Variants in PTH2R observed in about 807,000 individuals in gnomAD.
PTH2R encodes PTH2 receptor.
PTH2R carries 59 observed loss-of-function variants against 60.3 expected under a neutral mutation model. The ratio of observed to expected loss-of-function variants is 0.98; its 90% CI spans 0.79 to 1.22. The LOEUF (loss-of-function observed/expected upper bound fraction) is 1.22, where lower values mean the gene tolerates loss of function less well. Ranked by LOEUF, PTH2R falls within the 50% of genes most tolerant of loss-of-function variation. The pLI, the probability that PTH2R is intolerant of heterozygous loss-of-function variation, is 0.00. For synonymous variants in PTH2R, 256 were observed against 243.8 expected (o/e 1.05, Z -0.47); for missense variants, 749 against 682.6 (o/e 1.10, Z -1.08).
At chr2:208,368,441 C>T (rs561946704) in intron 1 of PTH2R, among the ~76,000 whole-genome samples, 36 of 152,336 alleles carry the variant, frequency 2.4e-4, no homozygotes, top group South Asian at 1.4e-3. Context: ...ATTCACCTCT[C>T]TGTTCTCCAT....
intron 1 of PTH2R, among the ~76,000 whole-genome samples, chr2:208,377,832 G>A (rs1390019562): frequency 4.6e-5 from 7 of 151,538 alleles, no homozygotes; most frequent in East Asian, 3.9e-4. Context: ...GGGCAGAGAC[G>A]CTCCTCACTT....
intron 9 of PTH2R, among the ~76,000 whole-genome samples, chr2:208,465,587 A>G (rs1702731674): frequency 6.6e-6 from 1 of 151,370 alleles, no homozygotes; most frequent in African/African-American, 2.4e-5. Context: ...TATTTTTAGT[A>G]GAGATGGGAT....
At chr2:208,457,122 A>C (rs991737182) in intron 8 of PTH2R, among the ~76,000 whole-genome samples, 14 of 152,370 alleles carry the variant, frequency 9.2e-5, no homozygotes, top group African/African-American at 2.9e-4. Flanking sequence ...AATTTAGGGA[A>C]TCCGAAAGCC....
intron 7 of PTH2R, among the ~76,000 whole-genome samples, chr2:208,450,255 A>G (rs1188159834): frequency 6.6e-6 from 1 of 152,196 alleles, no homozygotes. Flanking sequence ...AAAAGAAGAG[A>G]CTAAACTGGT....
rs779237506 is a variant in PTH2R at position 208,489,141 on chromosome 2, C to T, written c.1206C>T (p.Asn402=). 10 of 1,613,982 alleles carry T rather than the reference C, an allele frequency of 6.2e-6. No homozygotes were observed. The African/African-American group carries it at 1.2e-4, about 19-fold the overall frequency. ...GCATGCACTGTGAGCTCTTCTTCAACTCCTTTCAGGTAAAGGGTGCTGCCT... is the reference window on the plus strand; with the variant it reads ...GCATGCACTGTGAGCTCTTCTTCAATTCCTTTCAGGTAAAGGGTGCTGCCT... ...EIRMHCELFF[N]SFQGFFVSII... Residue 402 remains asparagine, a synonymous_variant, in exon 11 of 13, where the codon AAC becomes AAT. Coordinates refer to ENST00000272847, the MANE Select transcript of PTH2R (RefSeq NM_005048.4).
chr2:208,453,084 A>G (rs1702439681), intron 8 of PTH2R, among the ~76,000 whole-genome samples: 1 of 152,210 alleles, frequency 6.6e-6, no homozygotes, highest in Admixed American at 6.5e-5. Flanking sequence ...TGTCCAGCAT[A>G]CACTAGACAG....
chr2:208,472,817 C>CT (rs1226094687), intron 9 of PTH2R, among the ~76,000 whole-genome samples: 3 of 152,062 alleles, frequency 2.0e-5, no homozygotes, highest in Non-Finnish European at 4.4e-5. Context: ...ATTTCAGAGT[C>CT]TTTTTTTGCA....
intron 10 of PTH2R, among the ~76,000 whole-genome samples, chr2:208,487,963 C>T (rs1267279217): frequency 6.6e-6 from 1 of 152,144 alleles, no homozygotes; most frequent in Non-Finnish European, 1.5e-5. Flanking sequence ...TCATCTTTGC[C>T]ATAATCTACT....
chr2:208,415,796 G>T lies in PTH2R; in HGVS notation c.75+8678G>T, dbSNP rs562898515. 6.6e-5 allele frequency among the ~76,000 whole-genome samples: 10 copies of T among 152,184 alleles called. No homozygotes were observed. In the East Asian group the frequency reaches 1.9e-3, roughly 29 times the overall value. ...TCACATAACTTCTTTTAAAAAATGA[G>T]GCTGCAATAAAAGTAAAGTTCAAAG... On this transcript the variant is annotated intron_variant, in intron 1 of 12. Transcript: ENST00000272847.
At chr2:208,490,122 A>T (rs142753230) in intron 11 of PTH2R, among the ~76,000 whole-genome samples, 10 of 152,072 alleles carry the variant, frequency 6.6e-5, no homozygotes, top group Non-Finnish European at 1.3e-4. Flanking sequence ...TATTTTATCC[A>T]TGTCTCTTCC....
chr2:208,486,732 A>G (rs1703282430), intron 10 of PTH2R, among the ~76,000 whole-genome samples: 1 of 152,248 alleles, frequency 6.6e-6, no homozygotes, highest in East Asian at 1.9e-4. Context: ...GGAAGGGGGC[A>G]CTCACCATCA....
chr2:208,426,393 C>T (rs1003239367), intron 1 of PTH2R, among the ~76,000 whole-genome samples: 2 of 152,160 alleles, frequency 1.3e-5, no homozygotes, highest in African/African-American at 4.8e-5. Flanking sequence ...GTTTGAAGTA[C>T]ACTATCATTT....
At chr2:208,412,635 G>C (rs1258463286) in intron 1 of PTH2R, among the ~76,000 whole-genome samples, 2 of 152,196 alleles carry the variant, frequency 1.3e-5, no homozygotes, top group Non-Finnish European at 2.9e-5. Context: ...AGGACACCTG[G>C]CTGTAGTCCA....
intron 1 of PTH2R, among the ~76,000 whole-genome samples, chr2:208,395,054 ATT>A (rs201251376): frequency 6.9e-6 from 1 of 145,584 alleles, no homozygotes; most frequent in Non-Finnish European, 1.5e-5. Context: ...TTTCTTTTTT[ATT>A]TTTTTTTTTG....
At chr2:208,465,285 C>T (rs1233058526) in intron 9 of PTH2R, among the ~76,000 whole-genome samples, 1 of 149,834 alleles carries the variant, frequency 6.7e-6, no homozygotes, top group African/African-American at 2.5e-5. Flanking sequence ...CATATGAAGC[C>T]ATTCTAACAG....
In PTH2R at chr2:208,493,848, G is replaced by A; in HGVS notation, c.*189G>A. 3 of 510,846 alleles carry A rather than the reference G, an allele frequency of 5.9e-6. No homozygotes were observed. Among genetic ancestry groups the A allele is most frequent in the Non-Finnish European group, 9.9e-6 (3 of 302,954 alleles). 31.6% of individuals were successfully genotyped at this position (510,846 alleles called of 1,614,324 possible). ...ACATGAAAATGCAAGTGTCAATGGAGTAGTTTATTACCTTCTATTGGCATC... is the reference window on the plus strand; with the variant it reads ...ACATGAAAATGCAAGTGTCAATGGAATAGTTTATTACCTTCTATTGGCATC... On this transcript the variant is annotated 3_prime_UTR_variant, in exon 13 of 13. Transcript: ENST00000272847.
intron 1 of PTH2R, among the ~76,000 whole-genome samples, chr2:208,420,706 A>G (rs977059897): frequency 1.3e-5 from 2 of 152,320 alleles, no homozygotes; most frequent in East Asian, 3.9e-4. Context: ...AGTTTCTTTC[A>G]ATGGTAACAT....
intron 10 of PTH2R, among the ~76,000 whole-genome samples, chr2:208,482,502 T>G (rs897355362): frequency 6.6e-6 from 1 of 152,224 alleles, no homozygotes; most frequent in African/African-American, 2.4e-5. Context: ...AACATTTGTA[T>G]GCAGAAGTAC....
At position 208,455,268 on chromosome 2, in the gene PTH2R, G is replaced by A. The variant is rs74403223; in HGVS notation, c.914+4459G>A. Reference sequence around the variant, plus strand: ...ATTAATGCTATCATGATCATATTCTGAGATGTGTAACTGTATGACCTAGAT... The same window carrying A: ...ATTAATGCTATCATGATCATATTCTAAGATGTGTAACTGTATGACCTAGAT... On this transcript the variant is annotated intron_variant, in intron 8 of 12. Transcript: ENST00000272847. Among the ~76,000 whole-genome samples the A allele has an allele frequency of 4.4e-3, 671 of 152,296 alleles. 5 individuals are homozygous for A. The highest frequency in any genetic ancestry group is 0.014 in the African/African-American group (602 of 41,554).
Sources: gnomAD v4.1 joint callset for allele counts (sites outside exome capture counted in the v4.1 genomes callset) on GRCh38, gnomAD v4.1.1 for gene constraint, MANE v1.5 for transcripts, NCBI Gene and HGNC (gene_info 2026-07-23, HGNC 2026-07-21) for gene names.